The following RTTN variants were observed in gnomAD, a reference collection of about 807,000 sequenced individuals.
The protein encoded by RTTN is rotatin.
Under a neutral mutation model 269.2 loss-of-function variants are expected in RTTN, and 182 were observed. That is an observed-to-expected ratio of 0.68 (90% CI 0.60 to 0.76). The LOEUF is 0.76. Among genes scored for constraint, RTTN ranks in the 30% least tolerant of loss-of-function variants. RTTN has a pLI of 0.00. For synonymous variants in RTTN, 1,006 were observed against 963.5 expected (o/e 1.04, Z -0.82); for missense variants, 2,545 against 2,608.6 (o/e 0.98, Z 0.53).
At chr18:70,048,338 C>T (rs2057552516) in intron 39 of RTTN, 150 bp from the exon 40 acceptor site, 1 of 717,926 alleles carries the variant, frequency 1.4e-6, no homozygotes, top group African/African-American at 1.8e-5. Context: ...GAGCTGGTGC[C>T]AACCAGAACT....
At chr18:70,037,526 A>ACT (rs1418729744) in intron 40 of RTTN, among the ~76,000 whole-genome samples, 7 of 152,178 alleles carry the variant, frequency 4.6e-5, no homozygotes, top group Non-Finnish European at 1.0e-4. Flanking sequence ...AAGGGAACCC[A>ACT]CTGCCTTGAA....
At chr18:70,098,029 G>C (rs1219088865) in intron 28 of RTTN, among the ~76,000 whole-genome samples, 1 of 149,278 alleles carries the variant, frequency 6.7e-6, no homozygotes, top group Admixed American at 6.9e-5. Flanking sequence ...TTGATAAATA[G>C]AGTATTTATA....
At chr18:70,199,177 C>A (rs1303082868) in intron 5 of RTTN, among the ~76,000 whole-genome samples, 2 of 152,002 alleles carry the variant, frequency 1.3e-5, no homozygotes, top group African/African-American at 2.4e-5. Flanking sequence ...CAGAGTGAGA[C>A]TCTGTCTCAA....
In RTTN at chr18:70,076,581, T is replaced by C. The variant is rs186133031; in HGVS notation, c.4375-1040A>G. Among the ~76,000 whole-genome samples the C allele has an allele frequency of 3.7e-3, 563 of 152,204 alleles. 12 individuals are homozygous for C. The highest frequency in any genetic ancestry group is 0.034 in the Admixed American group (519 of 15,266). On this transcript the variant is annotated intron_variant, in intron 32 of 48. Transcript: ENST00000640769. ...GGACATTTATATACATCATTATAAT[T>C]AAACCTCTTCAATATTCAATGTCTT...
Position 70,168,845 on chromosome 18 carries a change from A to G in RTTN, c.1689+10T>C. The G allele has an allele frequency of 6.3e-7, 1 of 1,579,746 alleles. No individual in the cohort carries two copies. Reference sequence around the variant, plus strand: ...AGGGATTTAAAAGAGATATTAAAAAAGCTTTTTACCTCTTTCCCAATATCA... The same window carrying G: ...AGGGATTTAAAAGAGATATTAAAAAGGCTTTTTACCTCTTTCCCAATATCA... On this transcript the variant is annotated intron_variant, in intron 12 of 48. Coordinates refer to ENST00000640769, the MANE Select transcript of RTTN (RefSeq NM_173630.4).
intron 6 of RTTN, 58 bp from the exon 7 acceptor site, chr18:70,196,706 C>G: frequency 6.6e-7 from 1 of 1,514,934 alleles, no homozygotes; most frequent in Non-Finnish European, 9.0e-7. Flanking sequence ...AACTTCAAAG[C>G]AGAATGTGGA....
rs746996041 is a variant in RTTN at position 70,166,968 on chromosome 18, G to A, written c.1753C>T (p.His585Tyr). The A allele has an allele frequency of 4.3e-6, 7 of 1,613,570 alleles. No individual in the cohort carries two copies. Among genetic ancestry groups the A allele is most frequent in the South Asian group, 1.1e-5 (1 of 91,042 alleles). ...TCCTTTATTAGCGGGAAATGCTGATGATAGGAAAAGCTACGCAAGGCTTGG... is the reference window on the plus strand; with the variant it reads ...TCCTTTATTAGCGGGAAATGCTGATAATAGGAAAAGCTACGCAAGGCTTGG... The part of the protein sequence containing the change: ...ADQALRSFSY[H>Y]QHFPLIKEII... The change falls in exon 13 of 49, where the codon CAT becomes TAT. Residue 585 changes from histidine to tyrosine, a missense_variant. Coordinates refer to ENST00000640769, the MANE Select transcript of RTTN (RefSeq NM_173630.4).
At chr18:70,077,543 G>A (rs2058458819) in intron 32 of RTTN, among the ~76,000 whole-genome samples, 1 of 151,860 alleles carries the variant, frequency 6.6e-6, no homozygotes. Flanking sequence ...TTAGAAGTGA[G>A]AAGTTACACA....
intron 32 of RTTN, among the ~76,000 whole-genome samples, chr18:70,085,593 G>C (rs890061414): frequency 6.6e-6 from 1 of 152,152 alleles, no homozygotes; most frequent in Non-Finnish European, 1.5e-5. Flanking sequence ...AAAATATATG[G>C]ATAGGTAAAA....
intron 10 of RTTN, among the ~76,000 whole-genome samples, chr18:70,187,454 G>C (rs1948086693): frequency 6.6e-6 from 1 of 152,038 alleles, no homozygotes; most frequent in African/African-American, 2.4e-5. Context: ...TAACTGGATG[G>C]GAGAGAGGCA....
chr18:70,065,823 G>C lies in RTTN; in HGVS notation c.4747+6C>G, dbSNP rs1167772499. The C allele has an allele frequency of 1.3e-6, 2 of 1,568,834 alleles. No homozygotes were observed. The highest frequency in any genetic ancestry group is 1.7e-6 in the Non-Finnish European group (2 of 1,155,134). ...TGAAGGTAGAATGTCTTCACTAAAA[G>C]GATACCTTGAGCCACAAACTGGTCA... On this transcript the variant is annotated splice_donor_region_variant and intron_variant, in intron 35 of 48. Transcript: ENST00000640769.
intron 18 of RTTN, among the ~76,000 whole-genome samples, chr18:70,144,304 G>C (rs906613454): frequency 1.3e-5 from 2 of 152,176 alleles, no homozygotes; most frequent in Admixed American, 6.5e-5. Context: ...TATGACTCAA[G>C]ATTTCCCTGT....
chr18:70,204,918 TGTTACTTCTGAGCACAGCA>T (rs2062037872), intron 2 of RTTN, among the ~76,000 whole-genome samples, 191 bp downstream of exon 2: 1 of 152,200 alleles, frequency 6.6e-6, no homozygotes, highest in African/African-American at 2.4e-5. Context: ...AGAAGTTCTG[TGTTACTTCTGAGCACAGCA>T]GAGACCATGT....
chr18:70,176,831 G>A lies in RTTN; in HGVS notation c.1320C>T (p.Leu440=), dbSNP rs374593071. ...LFGIDMKEKL[L]LVLGALGETM... is the part of the protein sequence containing the mutation. ...TTTCTCCAAGGGCTCCCAACACCAG[G>A]AGTAGTTTCTCCTTCTGAAAACATT... is the stretch of plus-strand genomic sequence containing the variant. The change falls in exon 11 of 49, where the codon CTC becomes CTT. Residue 440 remains leucine (L), a synonymous_variant. Transcript: ENST00000640769. 6.2e-7 allele frequency: 1 copy of A among 1,612,966 alleles called. No individual in the cohort carries two copies. Among genetic ancestry groups the A allele is most frequent in the Non-Finnish European group, 8.5e-7 (1 of 1,179,456 alleles).
chr18:70,031,910 C>G (rs940974280), intron 40 of RTTN, among the ~76,000 whole-genome samples: 2 of 152,046 alleles, frequency 1.3e-5, no homozygotes, highest in African/African-American at 4.8e-5. Context: ...ACAACTCCTG[C>G]AGAGGGGGAA....
At chr18:70,046,998 C>G (rs559573269) in intron 40 of RTTN, among the ~76,000 whole-genome samples, 2 of 152,194 alleles carry the variant, frequency 1.3e-5, no homozygotes, top group Non-Finnish European at 2.9e-5. Context: ...CACAAGCAGT[C>G]ATACCAGAAA....
At chr18:70,056,611 G>A (rs139779622) in intron 37 of RTTN, among the ~76,000 whole-genome samples, 18 of 152,182 alleles carry the variant, frequency 1.2e-4, no homozygotes, top group Admixed American at 3.3e-4. Flanking sequence ...TGCCCCTCTG[G>A]CCTCATCTTG....
At chr18:70,127,884 A>T (rs1232411490) in intron 24 of RTTN, 143 bp from the exon 25 acceptor site, 1 of 719,612 alleles carries the variant, frequency 1.4e-6, no homozygotes. Context: ...CAGAAGAAAA[A>T]CTGATACATA....
chr18:70,098,727 T>C (rs962936597), intron 28 of RTTN, among the ~76,000 whole-genome samples: 2 of 152,184 alleles, frequency 1.3e-5, no homozygotes, highest in African/African-American at 4.8e-5. Flanking sequence ...ATGTGCCATG[T>C]TGGTGTGCTG....
Sources: allele counts gnomAD v4.1 joint callset (sites outside exome capture counted in the v4.1 genomes callset), GRCh38; gene constraint gnomAD v4.1.1; transcripts MANE v1.5; gene names NCBI Gene and HGNC (gene_info 2026-07-23, HGNC 2026-07-21).